Variants in RASL12 observed in about 807,000 individuals in gnomAD.
RASL12 encodes the protein RAS like family 12.
RASL12 carries 16 observed loss-of-function variants against 22.9 expected under a neutral mutation model. That is an observed-to-expected ratio of 0.70 (90% CI 0.47 to 1.06). The LOEUF is 1.06. RASL12 is among the 50% of genes least tolerant of loss of function. The pLI, the probability that RASL12 is intolerant of heterozygous loss-of-function variation, is 0.00. For synonymous variants in RASL12, 159 were observed against 152.2 expected (o/e 1.04, Z -0.33); for missense variants, 306 against 353.1 (o/e 0.87, Z 1.07).
intron 4 of RASL12, among the ~76,000 whole-genome samples, chr15:65,055,490 C>CT (rs974205729): frequency 6.6e-6 from 1 of 152,250 alleles, no homozygotes; most frequent in African/African-American, 2.4e-5. Context: ...AAGTGCTTAG[C>CT]ACAGTACCTG....
At chr15:65,050,164 G>A (rs1024562947), downstream of RASL12, 2 of 1,371,948 alleles carry the variant, frequency 1.5e-6, no homozygotes, top group African/African-American at 2.9e-5. Flanking sequence ...GCAGAGTTTG[G>A]CTGAAGGTCC....
chr15:65,050,122 G>T (rs2086630208), downstream of RASL12: 1 of 1,542,038 alleles, frequency 6.5e-7, no homozygotes, highest in Non-Finnish European at 8.8e-7. Flanking sequence ...AGAGATTGAC[G>T]GCAGGGGTGG....
intron 3 of RASL12, 50 bp downstream of exon 3, chr15:65,059,295 G>T: frequency 6.6e-7 from 1 of 1,516,048 alleles, no homozygotes; most frequent in Non-Finnish European, 9.2e-7. Context: ...GGACTTCTCA[G>T]GAGGCTATAC....
chr15:65,076,328 G>A (rs1412860511), intron 1 of RASL12, among the ~76,000 whole-genome samples: 1 of 152,140 alleles, frequency 6.6e-6, no homozygotes, highest in African/African-American at 2.4e-5. Context: ...CCTGAGGCCA[G>A]CGAGACCACA....
At chr15:65,058,735 G>A in intron 3 of RASL12, 118 bp from the exon 4 acceptor site, 1 of 772,574 alleles carries the variant, frequency 1.3e-6, no homozygotes, top group South Asian at 3.0e-5. Flanking sequence ...TTTCTCAGCA[G>A]AGCCCTTTCA....
At chr15:65,049,914 C>A, downstream of RASL12, 1 of 938,826 alleles carries the variant, frequency 1.1e-6, no homozygotes, top group Non-Finnish European at 1.6e-6. Context: ...CACGGCTTCT[C>A]TGCCCAGGGG....
intron 4 of RASL12, among the ~76,000 whole-genome samples, chr15:65,057,606 G>A (rs1014600417): frequency 6.6e-6 from 1 of 152,156 alleles, no homozygotes; most frequent in African/African-American, 2.4e-5. Flanking sequence ...TCTGACCTCC[G>A]ATTCGAGTCC....
Position 65,067,939 on chromosome 15 carries a change from C to T in RASL12, c.-104G>A. Reference sequence around the variant, plus strand: ...GCGGGATGCAGGCTTCCCTGGAGCGCGCGGCCCCGGACCCGTCGGCGTCCG... The same window carrying T: ...GCGGGATGCAGGCTTCCCTGGAGCGTGCGGCCCCGGACCCGTCGGCGTCCG... On this transcript the variant is annotated 5_prime_UTR_variant, in exon 1 of 5. Coordinates refer to ENST00000220062, the MANE Select transcript of RASL12 (RefSeq NM_016563.4). 5 of 1,272,106 alleles carry T rather than the reference C, an allele frequency of 3.9e-6. No individual in the cohort carries two copies. The highest frequency in any genetic ancestry group is 5.0e-6 in the Non-Finnish European group (5 of 1,009,084). The allele number at this position is 1,272,106 out of a possible 1,614,324, so 78.8% of individuals were successfully genotyped here. A position where few individuals can be genotyped will look rare whatever the true frequency, so the allele number is the denominator to read the frequency against.
chr15:65,050,853 T>TTTG (rs2086643910), downstream of RASL12, among the ~76,000 whole-genome samples: 1 of 144,208 alleles, frequency 6.9e-6, no homozygotes, highest in South Asian at 2.2e-4. Flanking sequence ...TTTTTTTTTT[T>TTTG]GCCTTTTTTT....
chr15:65,051,477 C>T, downstream of RASL12: 2 of 1,599,264 alleles, frequency 1.3e-6, no homozygotes, highest in African/African-American at 1.3e-5. Flanking sequence ...AGGTGCCTGG[C>T]CATTCCTCAG....
intron 2 of RASL12, among the ~76,000 whole-genome samples, chr15:65,060,657 T>C (rs2086791633): frequency 6.6e-6 from 1 of 152,206 alleles, no homozygotes; most frequent in Non-Finnish European, 1.5e-5. Context: ...GGTTATCACC[T>C]TTCCCTAGGT....
chr15:65,048,636 C>T (rs529196775), downstream of RASL12, among the ~76,000 whole-genome samples: 4 of 152,160 alleles, frequency 2.6e-5, no homozygotes, highest in Non-Finnish European at 4.4e-5. Context: ...ATTTTAGTTA[C>T]GTTTATCTCC....
upstream of RASL12, among the ~76,000 whole-genome samples, chr15:65,071,418 C>T (rs1270908050): frequency 3.3e-5 from 5 of 152,128 alleles, no homozygotes; most frequent in Admixed American, 1.3e-4. Flanking sequence ...CAGAGGGACA[C>T]TCAGTGTCCA....
At position 65,055,032 on chromosome 15, in the gene RASL12, G is replaced by A. The variant is rs749904254; in HGVS notation, c.668C>T (p.Thr223Met). Residue 223 changes from threonine (T) to methionine (M), a missense_variant, in exon 5 of 5, where the codon ACG (threonine) becomes ATG (methionine). By Grantham distance (81) the Thr-to-Met change is moderately conservative. Coordinates refer to ENST00000220062, the MANE Select transcript of RASL12 (RefSeq NM_016563.4). ...CTCCTTCAGGTTGATGGTGGAGAGC[G>A]TGTTGAAGGTGCAGCTGGCCAGCCC... ...RHGLASCTFNTLSTINLKEMP... is the reference protein window; with the variant it reads ...RHGLASCTFNMLSTINLKEMP... The A allele has an allele frequency of 3.2e-5, 51 of 1,613,808 alleles. 1 individual carries two copies. Among genetic ancestry groups the A allele is most frequent in the Middle Eastern group, 3.3e-4 (2 of 6,062 alleles).
At chr15:65,046,770 G>A in the RASL12 span, among the ~76,000 whole-genome samples, 1 of 151,744 alleles carries the variant, frequency 6.6e-6, no homozygotes, top group African/African-American at 2.4e-5. Flanking sequence ...AAAATTAGCC[G>A]GGCGTGGTGG....
In RASL12 at chr15:65,054,223, A is replaced by C. The variant is rs2086696192; in HGVS notation, c.*676T>G. 1 of 985,832 alleles carries C rather than the reference A, an allele frequency of 1.0e-6. No individual in the cohort carries two copies. Among genetic ancestry groups the C allele is most frequent in the African/African-American group, 1.7e-5 (1 of 57,250 alleles). 61.1% of individuals were successfully genotyped at this position (985,832 alleles called of 1,614,324 possible). A position where few individuals can be genotyped will look rare whatever the true frequency, so the allele number is the denominator to read the frequency against. ...TGGAGAATCTGTCTGCTGGTGAAAG[A>C]ACTCTGGGGCTCCTTATGCTGGACA... On this transcript the variant is annotated 3_prime_UTR_variant, in exon 5 of 5. Transcript: ENST00000220062.
chr15:65,059,054 A>C (rs2086770870), intron 3 of RASL12, among the ~76,000 whole-genome samples: 1 of 152,222 alleles, frequency 6.6e-6, no homozygotes, highest in Non-Finnish European at 1.5e-5. Context: ...GCATCTGTGT[A>C]AACAGGTGTG....
At chr15:65,067,669 C>T (rs2086894731) in intron 1 of RASL12, 64 bp downstream of exon 1, 2 of 1,483,876 alleles carry the variant, frequency 1.3e-6, no homozygotes, top group African/African-American at 2.9e-5. Flanking sequence ...AGAGCACAGC[C>T]CACTGTCCCC....
Position 65,067,903 on chromosome 15 carries a change from G to T in RASL12, c.-68C>A. 3 of 1,358,724 alleles carry T rather than the reference G, an allele frequency of 2.2e-6. No individual in the cohort carries two copies. The highest frequency in any genetic ancestry group is 3.5e-5 in the South Asian group (2 of 56,632). 84.2% of individuals were successfully genotyped at this position (1,358,724 alleles called of 1,614,324 possible). A position where few individuals can be genotyped will look rare whatever the true frequency, so the allele number is the denominator to read the frequency against. On this transcript the variant is annotated 5_prime_UTR_variant, in exon 1 of 5. Transcript: ENST00000220062. ...CCCGCGCAGTGCGCCCGCCCGTCGG[G>T]GCCCAGGGGAGCGGGATGCAGGCTT...
Sources: allele counts gnomAD v4.1 joint callset (sites outside exome capture counted in the v4.1 genomes callset), GRCh38; gene constraint gnomAD v4.1.1; transcripts MANE v1.5; gene names NCBI Gene and HGNC (gene_info 2026-07-23, HGNC 2026-07-21).